UBE3B: variants seen among roughly 807,000 people sequenced by gnomAD.
The protein encoded by UBE3B is ubiquitin protein ligase E3B, also known as ubiquitin-protein ligase E3B.
In UBE3B, 80 loss-of-function variants were observed where a neutral mutation model predicts 132.3. The ratio of observed to expected loss-of-function variants is 0.60; its 90% CI spans 0.50 to 0.73. UBE3B has a LOEUF of 0.73. Among genes scored for constraint, UBE3B ranks in the 30% least tolerant of loss-of-function variants. The pLI is 0.00. For missense variants in UBE3B, 1,196 were observed against 1,362.5 expected (o/e 0.88, Z 1.92); for synonymous variants, 487 against 520.4 (o/e 0.94, Z 0.87).
rs778414717 is a variant in UBE3B at position 109,496,226 on chromosome 12, G to A, written c.714-1592G>A. On this transcript the variant is annotated intron_variant, in intron 9 of 27. Coordinates refer to ENST00000342494, the MANE Select transcript of UBE3B (RefSeq NM_130466.4). ...CGTAATATAATCAGAGTTCATCCAC[G>A]TTGTAGCATGGATCAGTACTTCATG... Among the ~76,000 whole-genome samples the A allele has an allele frequency of 4.6e-5, 7 of 152,136 alleles. No individual in the cohort carries two copies. The South Asian group carries it at 1.0e-3, about 22-fold the overall frequency.
rs1217686993 is a variant in UBE3B at position 109,486,749 on chromosome 12, G to C, written c.447+174G>C. On this transcript the variant is annotated intron_variant, in intron 6 of 27. Transcript: ENST00000342494. ...CTGTTATCAATATGAGCCCTCCTTT[G>C]GTGTGTGTTGGACCCTTAAACTGCT... Among the ~76,000 whole-genome samples the C allele has an allele frequency of 4.6e-5, 7 of 152,234 alleles. No homozygotes were observed. The East Asian group carries it at 1.2e-3, about 25-fold the overall frequency.
intron 11 of UBE3B, 144 bp from the exon 12 acceptor site, chr12:109,499,489 C>A: frequency 2.6e-6 from 2 of 767,734 alleles, no homozygotes; most frequent in Non-Finnish European, 3.8e-6. Context: ...CACACAGCAG[C>A]CTCCGGCATT....
intron 6 of UBE3B, among the ~76,000 whole-genome samples, chr12:109,486,836 A>G (rs904726991): frequency 6.6e-6 from 1 of 152,130 alleles, no homozygotes; most frequent in Non-Finnish European, 1.5e-5. Flanking sequence ...ATTTAATGTA[A>G]TCAGTACTTT....
rs1297114951 is a variant in UBE3B, at chr12:109,503,175, C to T, written c.1435C>T (p.Leu479=). ...GCTGACAACTCTCACACAGATTCGGCTGCAGATACTCACAGGTTCGCAGTC... is the reference window on the plus strand; with the variant it reads ...GCTGACAACTCTCACACAGATTCGGTTGCAGATACTCACAGGTTCGCAGTC... ...TSLTTLTQIR[L]QILTGLTYLD... is the part of the protein sequence containing the mutation. Residue 479 remains leucine (L), a synonymous_variant, in exon 14 of 28, where the codon CTG becomes TTG. Coordinates refer to ENST00000342494, the MANE Select transcript of UBE3B (RefSeq NM_130466.4). 1.2e-6 allele frequency: 2 copies of T among 1,614,178 alleles called. No homozygotes were observed. Among genetic ancestry groups the T allele is most frequent in the South Asian group, 2.2e-5 (2 of 91,084 alleles).
At position 109,534,005 on chromosome 12, in the gene UBE3B, C is replaced by T. The variant is rs148272503; in HGVS notation, c.3015+447C>T. On this transcript the variant is annotated intron_variant, in intron 27 of 27. Coordinates refer to ENST00000342494, the MANE Select transcript of UBE3B (RefSeq NM_130466.4). This position sits in a 1 kb window ranked among gnomAD's most constrained non-coding sequence, Gnocchi z 5.2. ...CTCATTGGCCAAAGGAGAAGGAAAG[C>T]CTTCAGGGTTACGGAGCTCTGTGTG... is the stretch of plus-strand genomic sequence containing the variant. 2,218 of 1,296,242 alleles carry T rather than the reference C, an allele frequency of 1.7e-3. 35 individuals carry two copies. In the African/African-American group the frequency reaches 0.03, roughly 17 times the overall value. The allele number at this position is 1,296,242 out of a possible 1,614,324, so 80.3% of individuals were successfully genotyped here.
chr12:109,486,322 A>G (rs1365375055), intron 5 of UBE3B, 149 bp from the exon 6 acceptor site: 3 of 754,822 alleles, frequency 4.0e-6, no homozygotes, highest in African/African-American at 3.5e-5. Context: ...TAGTGTTAAA[A>G]TAAGTCCTGT....
At position 109,486,467 on chromosome 12, in the gene UBE3B, A is replaced by G. The variant is rs756908037; in HGVS notation, c.343-4A>G. The G allele has an allele frequency of 1.5e-5, 24 of 1,595,114 alleles. No homozygotes were observed. The highest frequency in any genetic ancestry group is 1.7e-4 in the Middle Eastern group (1 of 5,984). On this transcript the variant is annotated splice_polypyrimidine_tract_variant and splice_region_variant and intron_variant, in intron 5 of 27. Transcript: ENST00000342494. ...CATGACATTCCTCTTTTTCCCACCT[A>G]TAGGTGTGGTATGTGTCCCTGGCTT... is the stretch of plus-strand genomic sequence containing the variant.
Position 109,498,340 on chromosome 12 carries a change from G to C in UBE3B, c.927G>C (p.Thr309=). 6.2e-7 allele frequency: 1 copy of C among 1,613,940 alleles called. No homozygotes were observed. Among genetic ancestry groups the C allele is most frequent in the African/African-American group, 1.3e-5 (1 of 75,034 alleles). Residue 309 remains threonine (T), a synonymous_variant, in exon 11 of 28, where the codon ACG becomes ACC. Transcript: ENST00000342494. ...GTGAAAGTTTAGAAGGATGCCATAC[G>C]CTTTGTCTAATGGGTAAGTATCCGT... The part of the protein sequence containing the change: ...DVCESLEGCH[T]LCLMGNLLHL...
At position 109,498,449 on chromosome 12, in the gene UBE3B, G is replaced by T. The variant is rs77687467; in HGVS notation, c.940+96G>T. Reference sequence around the variant, plus strand: ...TATTCTAGAGATTTGGTTGTTTTCTGTAACAATTGGAAGTGCTTACAATAA... The same window carrying T: ...TATTCTAGAGATTTGGTTGTTTTCTTTAACAATTGGAAGTGCTTACAATAA... On this transcript the variant is annotated intron_variant, in intron 11 of 27. Coordinates refer to ENST00000342494, the MANE Select transcript of UBE3B (RefSeq NM_130466.4). 2,319 of 1,426,454 alleles carry T rather than the reference G, an allele frequency of 1.6e-3. 65 individuals carry two copies. The East Asian group carries it at 0.048, about 29-fold the overall frequency. 88.4% of individuals were successfully genotyped at this position (1,426,454 alleles called of 1,614,324 possible). A position where few individuals can be genotyped will look rare whatever the true frequency, so the allele number is the denominator to read the frequency against.
At position 109,534,225 on chromosome 12, in the gene UBE3B, C is replaced by T. The variant is rs1883243063; in HGVS notation, c.3016-366C>T. The T allele has an allele frequency of 1.6e-6, 2 of 1,249,510 alleles. No homozygotes were observed. The highest frequency in any genetic ancestry group is 2.0e-6 in the Non-Finnish European group (2 of 980,862). The allele number at this position is 1,249,510 out of a possible 1,614,324, so 77.4% of individuals were successfully genotyped here. A position where few individuals can be genotyped will look rare whatever the true frequency, so the allele number is the denominator to read the frequency against. On this transcript the variant is annotated intron_variant, in intron 27 of 27. Transcript: ENST00000342494. This position sits in a 1 kb window ranked among gnomAD's most constrained non-coding sequence, Gnocchi z 5.2. Reference sequence around the variant, plus strand: ...CCAAGTCATGGTCTGCCACCGGCCACAGCACCGGTGAGGAGGGAGGAGTGC... The same window carrying T: ...CCAAGTCATGGTCTGCCACCGGCCATAGCACCGGTGAGGAGGGAGGAGTGC...
chr12:109,483,591 G>T lies in UBE3B; in HGVS notation c.40G>T (p.Asp14Tyr), dbSNP rs771722819. ...TCAGACCTCGAGAGCATGGTTCATC[G>T]ATAGAGCCCGTCAGGCACGAGAAGA... ...LSQTSRAWFI[D>Y]RARQAREERL... Residue 14 changes from aspartate (D) to tyrosine (Y), a missense_variant, in exon 3 of 28, where the codon GAT becomes TAT. Transcript: ENST00000342494. 6.2e-7 allele frequency: 1 copy of T among 1,609,260 alleles called. No homozygotes were observed. Among genetic ancestry groups the T allele is most frequent in the Non-Finnish European group, 8.5e-7 (1 of 1,178,522 alleles).
rs759999382 is a variant in UBE3B at position 109,521,432 on chromosome 12, G to A, written c.2254-9G>A. On this transcript the variant is annotated splice_polypyrimidine_tract_variant and intron_variant, in intron 20 of 27. Transcript: ENST00000342494. The surrounding 1 kb of genome is among the most constrained non-coding windows in gnomAD (Gnocchi z 4.2). ...GACCTCTGCCTCTCCCCGTCTTTTT[G>A]CCTTGCAGACAACCAGTGGGGATGA... The A allele has an allele frequency of 6.3e-7, 1 of 1,578,162 alleles. No homozygotes were observed. Among genetic ancestry groups the A allele is most frequent in the East Asian group, 2.3e-5 (1 of 44,250 alleles).
chr12:109,547,057 A>C, the UBE3B span, among the ~76,000 whole-genome samples: 5 of 151,576 alleles, frequency 3.3e-5, no homozygotes, highest in South Asian at 1.0e-3. The surrounding 1 kb of genome is among the most constrained non-coding windows in gnomAD (Gnocchi z 4.1). Flanking sequence ...AGAAACCAAT[A>C]AGATAATTTC....
At chr12:109,539,874 G>C (rs1481889049), downstream of UBE3B, among the ~76,000 whole-genome samples, 1 of 152,018 alleles carries the variant, frequency 6.6e-6, no homozygotes, top group Non-Finnish European at 1.5e-5. Context: ...TCCACCCGGG[G>C]ACCAGCAGTT....
intron 9 of UBE3B, 50 bp from the exon 10 acceptor site, chr12:109,497,768 C>G: frequency 6.3e-7 from 1 of 1,578,742 alleles, no homozygotes; most frequent in Non-Finnish European, 8.7e-7. Context: ...TGCTTTTGTT[C>G]TGGATGCACA....
chr12:109,527,491 G>A (rs1724056814), intron 24 of UBE3B, among the ~76,000 whole-genome samples: 2 of 152,222 alleles, frequency 1.3e-5, no homozygotes, highest in South Asian at 2.1e-4. Flanking sequence ...TCAGATGCAC[G>A]TCGCAGTCCA....
chr12:109,508,815 C>A, intron 15 of UBE3B: 1 of 895,996 alleles, frequency 1.1e-6, no homozygotes, highest in Non-Finnish European at 1.3e-6. Flanking sequence ...TTCATATGTT[C>A]TTTCAAACAT....
At chr12:109,504,834 T>G (rs1879462011) in intron 14 of UBE3B, among the ~76,000 whole-genome samples, 1 of 150,782 alleles carries the variant, frequency 6.6e-6, no homozygotes, top group Admixed American at 6.6e-5. Flanking sequence ...AGACGGAGTC[T>G]CACTCTGTCG....
intron 19 of UBE3B, 40 bp downstream of exon 19, chr12:109,516,924 G>T (rs1327763103): frequency 6.2e-7 from 1 of 1,600,498 alleles, no homozygotes; most frequent in African/African-American, 1.3e-5. Context: ...CAAGGAAGTG[G>T]GCCCTGCAAC....
Sources: allele counts gnomAD v4.1 joint callset (sites outside exome capture counted in the v4.1 genomes callset), GRCh38; gene constraint gnomAD v4.1.1; non-coding constraint Gnocchi (gnomAD v3.1); transcripts MANE v1.5; gene names NCBI Gene and HGNC (gene_info 2026-07-23, HGNC 2026-07-21).